The following DPP6 variants were observed in gnomAD, a reference collection of about 807,000 sequenced individuals.
DPP6 encodes dipeptidyl peptidase like 6.
In DPP6, 69 loss-of-function variants were observed where a neutral mutation model predicts 122.6. The ratio of observed to expected loss-of-function variants is 0.56; its 90% CI spans 0.46 to 0.69. The LOEUF is 0.69. DPP6 is among the 30% of genes least tolerant of loss of function. The pLI, the probability that DPP6 is intolerant of heterozygous loss-of-function variation, is 0.00. For missense variants in DPP6, 928 were observed against 1,116.9 expected (o/e 0.83, Z 2.41); for synonymous variants, 418 against 433.1 (o/e 0.97, Z 0.43).
chr7:154,879,566 G>A lies in DPP6; in HGVS notation c.2079-1322G>A, dbSNP rs1414364393. Among the ~76,000 whole-genome samples the A allele has an allele frequency of 1.7e-4, 15 of 90,396 alleles. 1 individual carries two copies. Among genetic ancestry groups the A allele is most frequent in the Non-Finnish European group, 2.4e-4 (12 of 50,762 alleles). The allele number at this position is 90,396 out of a possible 152,430, so 59.3% of individuals were successfully genotyped here. ...AGATTGTGCCACTGCACTCCAGCCT[G>A]GGCGACAGCGAGACTCCGTCTCAAA... is the stretch of plus-strand genomic sequence containing the variant. On this transcript the variant is annotated intron_variant, in intron 20 of 25. Coordinates refer to ENST00000377770, the MANE Select transcript of DPP6 (RefSeq NM_130797.4).
intron 7 of DPP6, among the ~76,000 whole-genome samples, chr7:154,694,887 TC>T (rs1840131548): frequency 6.6e-6 from 1 of 152,040 alleles, no homozygotes; most frequent in Non-Finnish European, 1.5e-5. Flanking sequence ...CACCACCTTC[TC>T]CTCGTGCCAC....
At chr7:153,854,020 G>C in the DPP6 span, among the ~76,000 whole-genome samples, 1 of 146,688 alleles carries the variant, frequency 6.8e-6, no homozygotes, top group Non-Finnish European at 1.5e-5. Flanking sequence ...ATTGATTTTT[G>C]TATAAGGTGT....
intron 3 of DPP6, among the ~76,000 whole-genome samples, chr7:154,521,244 A>T (rs1006411102): frequency 2.0e-5 from 3 of 152,142 alleles, no homozygotes; most frequent in African/African-American, 4.8e-5. Context: ...TTCTTTGCTG[A>T]TCTTTATTTC....
chr7:154,430,003 A>G (rs1818227382), intron 1 of DPP6, among the ~76,000 whole-genome samples: 1 of 152,226 alleles, frequency 6.6e-6, no homozygotes. Context: ...TCCCACCCTC[A>G]AAGAGTCAGA....
intron 1 of DPP6, among the ~76,000 whole-genome samples, chr7:153,925,971 G>A (rs1165965847): frequency 2.0e-5 from 3 of 152,102 alleles, no homozygotes; most frequent in South Asian, 4.1e-4. Flanking sequence ...GATTCCTGCC[G>A]ACCACAGCAG....
chr7:154,562,202 A>G (rs1256713639), intron 4 of DPP6, among the ~76,000 whole-genome samples: 1 of 152,166 alleles, frequency 6.6e-6, no homozygotes, highest in Admixed American at 6.5e-5. Context: ...TCAACAAAAT[A>G]TTAGCAAATT....
chr7:154,382,781 T>G (rs7787519), intron 1 of DPP6, among the ~76,000 whole-genome samples: 96,846 of 152,054 alleles, frequency 0.64, 31,652 homozygotes, highest in East Asian at 0.76. Flanking sequence ...ACCCAAGCTG[T>G]AGTGCAATGG....
intron 1 of DPP6, among the ~76,000 whole-genome samples, chr7:153,958,196 C>G (rs1381284796): frequency 1.3e-5 from 2 of 152,072 alleles, no homozygotes; most frequent in African/African-American, 2.4e-5. Flanking sequence ...AGATAGACCA[C>G]AAAATAGACA....
intron 8 of DPP6, among the ~76,000 whole-genome samples, chr7:154,747,973 G>C (rs973528658): frequency 2.0e-5 from 3 of 152,166 alleles, no homozygotes; most frequent in Admixed American, 6.5e-5. Context: ...ATAATAATGA[G>C]AATGAATAGA....
chr7:153,859,592 G>T, the DPP6 span, among the ~76,000 whole-genome samples: 3 of 152,178 alleles, frequency 2.0e-5, no homozygotes, highest in African/African-American at 2.4e-5. Flanking sequence ...GCATCATCCT[G>T]TTTACTGCCT....
intron 5 of DPP6, among the ~76,000 whole-genome samples, chr7:154,589,272 G>A (rs1265057355): frequency 1.3e-5 from 2 of 152,106 alleles, no homozygotes; most frequent in Non-Finnish European, 2.9e-5. Context: ...AAAAAATTCA[G>A]GGATTGAAGG....
the DPP6 span, among the ~76,000 whole-genome samples, chr7:153,831,092 G>A: frequency 1.3e-5 from 2 of 152,100 alleles, no homozygotes; most frequent in Non-Finnish European, 2.9e-5. Flanking sequence ...TTATGAATTT[G>A]CAATTAATTT....
At chr7:153,980,159 G>T (rs1321108000) in intron 1 of DPP6, among the ~76,000 whole-genome samples, 1 of 152,154 alleles carries the variant, frequency 6.6e-6, no homozygotes, top group Admixed American at 6.5e-5. Flanking sequence ...ATTTGGCTGT[G>T]AATCCGTCTG....
At chr7:153,854,124 T>C in the DPP6 span, among the ~76,000 whole-genome samples, 1 of 149,398 alleles carries the variant, frequency 6.7e-6, no homozygotes, top group African/African-American at 2.5e-5. Context: ...ATTGCTTGTT[T>C]TTCTCAGGTT....
Position 154,079,567 on chromosome 7 carries a change from A to T in DPP6, c.243+26504A>T, listed in dbSNP as rs184520069. On this transcript the variant is annotated intron_variant, in intron 1 of 25. Transcript: ENST00000377770. ...GATTCTGGGGACCTAGAGATGGGGG[A>T]TAACGGGTGAAAGGAACAAGCACGG... Among the ~76,000 whole-genome samples, 295 of 152,208 alleles carry T rather than the reference A, an allele frequency of 1.9e-3. 1 individual carries two copies. Among genetic ancestry groups the T allele is most frequent in the African/African-American group, 6.8e-3 (284 of 41,526 alleles).
chr7:153,999,696 C>T (rs146271640), intron 1 of DPP6, among the ~76,000 whole-genome samples: 5,377 of 152,270 alleles, frequency 0.035, 105 homozygotes, highest in South Asian at 0.08. Context: ...GGGTGGCTCA[C>T]GCCTATAATC....
intron 1 of DPP6, among the ~76,000 whole-genome samples, chr7:153,923,610 A>C (rs772026494): frequency 6.6e-6 from 1 of 151,770 alleles, no homozygotes; most frequent in Non-Finnish European, 1.5e-5. Flanking sequence ...AAATACAAAA[A>C]ATTAGCCGGG....
intron 7 of DPP6, among the ~76,000 whole-genome samples, chr7:154,688,824 C>A (rs1839776827): frequency 6.6e-6 from 1 of 152,214 alleles, no homozygotes; most frequent in African/African-American, 2.4e-5. Flanking sequence ...CTTTTGGCAA[C>A]ACCCACACAG....
chr7:154,486,873 G>A lies in DPP6; in HGVS notation c.457+11836G>A, dbSNP rs1416981272. Among the ~76,000 whole-genome samples the A allele has an allele frequency of 6.6e-6, 1 of 152,180 alleles. No individual in the cohort carries two copies. The highest frequency in any genetic ancestry group is 2.4e-5 in the African/African-American group (1 of 41,424). Reference sequence around the variant, plus strand: ...GGGCGGACTCTAGTTCCTAACTGATGGATGATGCTGGGCCCCGCTGTTGAT... The same window carrying A: ...GGGCGGACTCTAGTTCCTAACTGATAGATGATGCTGGGCCCCGCTGTTGAT... On this transcript the variant is annotated intron_variant, in intron 3 of 25. Transcript: ENST00000377770. The surrounding 1 kb of genome is among the most constrained non-coding windows in gnomAD (Gnocchi z 4.5).
Sources: gnomAD v4.1 joint callset for allele counts (sites outside exome capture counted in the v4.1 genomes callset) on GRCh38, gnomAD v4.1.1 for gene constraint, Gnocchi (gnomAD v3.1) non-coding constraint, MANE v1.5 for transcripts, NCBI Gene and HGNC (gene_info 2026-07-23, HGNC 2026-07-21) for gene names.